The following B4GALT6 variants were observed in gnomAD, a reference collection of about 807,000 sequenced individuals.
B4GALT6 encodes the protein UDP-Gal:beta-GlcNAc beta-1,4-galactosyltransferase 6.
B4GALT6 carries 14 observed loss-of-function variants against 46.3 expected under a neutral mutation model. That is an observed-to-expected ratio of 0.30 (90% CI 0.20 to 0.47). B4GALT6 has a LOEUF of 0.47. B4GALT6 is among the 20% of genes least tolerant of loss of function. The probability of loss-of-function intolerance (pLI) is 0.99; values close to 1 mark genes in which losing one functional copy is unlikely to be tolerated. For missense variants in B4GALT6, 386 were observed against 480.1 expected, an observed-to-expected ratio of 0.80 and a Z score of 1.83; for synonymous variants, 168 against 162.0, an observed-to-expected ratio of 1.04 and a Z score of -0.28.
the B4GALT6 span, among the ~76,000 whole-genome samples, chr18:31,699,504 C>G: frequency 6.6e-6 from 1 of 150,460 alleles, no homozygotes; most frequent in African/African-American, 2.5e-5. Context: ...AAACTCCTGA[C>G]CTCAGGTGAT....
the B4GALT6 span, among the ~76,000 whole-genome samples, chr18:31,700,889 A>G: frequency 2.6e-5 from 4 of 152,166 alleles, no homozygotes; most frequent in Non-Finnish European, 5.9e-5. Flanking sequence ...GCAGCAATCA[A>G]TCCACATTGA....
At chr18:31,637,306 TTC>T (rs1205609455) in intron 5 of B4GALT6, among the ~76,000 whole-genome samples, 2 of 152,194 alleles carry the variant, frequency 1.3e-5, no homozygotes. Context: ...CTCCACCTGG[TTC>T]TCTCTTCTAA....
chr18:31,702,648 C>T, the B4GALT6 span, among the ~76,000 whole-genome samples: 3 of 152,188 alleles, frequency 2.0e-5, no homozygotes, highest in East Asian at 5.8e-4. Flanking sequence ...GGATGAGGCA[C>T]TGTAACCACA....
chr18:31,668,564 CTA>C (rs1300388892), intron 1 of B4GALT6, among the ~76,000 whole-genome samples: 5 of 152,048 alleles, frequency 3.3e-5, no homozygotes, highest in Admixed American at 6.5e-5. Flanking sequence ...TTTTTGCCAT[CTA>C]TGTTTTTGTT....
At chr18:31,688,282 C>CAT (rs2030000225), upstream of B4GALT6, among the ~76,000 whole-genome samples, 1 of 97,280 alleles carries the variant, frequency 1.0e-5, no homozygotes, top group African/African-American at 7.0e-5. Context: ...TACACACACA[C>CAT]ATATGTAATT....
chr18:31,631,031 T>C lies in B4GALT6; in HGVS notation c.704A>G (p.Asn235Ser), dbSNP rs781475875. ...TCCACATCCGTAATAGTTCCGGTCA[T>C]TTTCAGGTAGATGATCCACATCGTG... ...IFHDVDHLPE[N>S]DRNYYGCGEM... The change falls in exon 6 of 9, where the codon AAT (asparagine) becomes AGT (serine). Residue 235 changes from asparagine to serine, a missense_variant. Asn to Ser is a conservative substitution (Grantham distance 46). This residue lies in a region of B4GALT6 where 323 missense variants were observed against 438.9 expected (regional missense o/e 0.74). Coordinates refer to ENST00000306851, the MANE Select transcript of B4GALT6 (RefSeq NM_004775.5). 6.2e-7 allele frequency: 1 copy of C among 1,614,174 alleles called. No homozygotes were observed. The highest frequency in any genetic ancestry group is 8.5e-7 in the Non-Finnish European group (1 of 1,180,040).
chr18:31,694,339 T>TA, the B4GALT6 span, among the ~76,000 whole-genome samples: 1 of 152,158 alleles, frequency 6.6e-6, no homozygotes, highest in Non-Finnish European at 1.5e-5. Context: ...TCAGTACATA[T>TA]AAAAAAGACT....
intron 1 of B4GALT6, among the ~76,000 whole-genome samples, chr18:31,672,202 T>C (rs188160031): frequency 6.6e-6 from 1 of 152,210 alleles, no homozygotes; most frequent in Non-Finnish European, 1.5e-5. Context: ...GATATCTCTG[T>C]TCCTAGCTGC....
the B4GALT6 span, among the ~76,000 whole-genome samples, chr18:31,693,783 T>A: frequency 6.6e-6 from 1 of 151,822 alleles, no homozygotes; most frequent in African/African-American, 2.4e-5. Context: ...GCCTGGGCAA[T>A]ATAGTGGGAC....
intron 1 of B4GALT6, among the ~76,000 whole-genome samples, chr18:31,679,296 A>G (rs2074451765): frequency 6.6e-6 from 1 of 152,196 alleles, no homozygotes; most frequent in Non-Finnish European, 1.5e-5. Context: ...TCCCTTCAAT[A>G]TTGCCTAATT....
chr18:31,641,483 T>A (rs1478100521), intron 4 of B4GALT6, among the ~76,000 whole-genome samples: 1 of 152,242 alleles, frequency 6.6e-6, no homozygotes, highest in African/African-American at 2.4e-5. Context: ...ATCTGGCACA[T>A]CAGTTCTTGT....
chr18:31,684,713 A>C, upstream of B4GALT6: 1 of 1,152,364 alleles, frequency 8.7e-7, no homozygotes, highest in South Asian at 2.4e-5. Context: ...GGCAGGACGG[A>C]AGAAAGCCGG....
chr18:31,661,122 C>T (rs918349596), intron 2 of B4GALT6, among the ~76,000 whole-genome samples: 8 of 152,150 alleles, frequency 5.3e-5, no homozygotes, highest in East Asian at 1.9e-4. Context: ...ATCTACAAAA[C>T]GAACAATCAC....
the B4GALT6 span, among the ~76,000 whole-genome samples, chr18:31,707,483 T>C: frequency 2.6e-5 from 4 of 152,176 alleles, no homozygotes; most frequent in Admixed American, 2.6e-4. Flanking sequence ...GGGCAGTGAA[T>C]TTTGTTTTCT....
Position 31,646,629 on chromosome 18 carries a change from A to C in B4GALT6, c.347-1150T>G, listed in dbSNP as rs569485723. Among the ~76,000 whole-genome samples the C allele has an allele frequency of 1.7e-4, 26 of 152,336 alleles. No homozygotes were observed. In the South Asian group the frequency reaches 5.4e-3, roughly 32 times the overall value. On this transcript the variant is annotated intron_variant, in intron 3 of 8. Coordinates refer to ENST00000306851, the MANE Select transcript of B4GALT6 (RefSeq NM_004775.5). ...ATAAAATACAAACCAACAAATGTTG[A>C]GGTTTCCCATTTCGAGTCTTCTGAG...
rs199540062 is a variant in B4GALT6, at chr18:31,638,697, T to C, written c.535A>G (p.Ile179Val). Reference sequence around the variant, plus strand: ...AGCCGCTGCTTCTGGAGCATTGGAATCAGATGTAAGAAAAAAATTGGAAGA... The same window carrying C: ...AGCCGCTGCTTCTGGAGCATTGGAACCAGATGTAAGAAAAAAATTGGAAGA... ...EHLPIFFLHLIPMLQKQRLEF... is the reference protein window; with the variant it reads ...EHLPIFFLHLVPMLQKQRLEF... Residue 179 changes from isoleucine to valine, a missense_variant, in exon 5 of 9, where the codon ATT becomes GTT. This residue lies in a region of B4GALT6 where 323 missense variants were observed against 438.9 expected (regional missense o/e 0.74). Coordinates refer to ENST00000306851, the MANE Select transcript of B4GALT6 (RefSeq NM_004775.5). 51 of 1,613,970 alleles carry C rather than the reference T, an allele frequency of 3.2e-5. No homozygotes were observed. Among genetic ancestry groups the C allele is most frequent in the South Asian group, 2.9e-4 (26 of 91,080 alleles).
At chr18:31,649,259 C>T (rs1188354876) in intron 3 of B4GALT6, among the ~76,000 whole-genome samples, 2 of 152,222 alleles carry the variant, frequency 1.3e-5, no homozygotes, top group Admixed American at 1.3e-4. Context: ...GCTTAACAAA[C>T]GATTTATTAC....
the B4GALT6 span, among the ~76,000 whole-genome samples, chr18:31,703,018 T>A: frequency 1.3e-5 from 2 of 152,160 alleles, no homozygotes; most frequent in African/African-American, 2.4e-5. Context: ...TGGAAGGAAA[T>A]CACACTTTCT....
At chr18:31,669,862 CA>C (rs1216359837) in intron 1 of B4GALT6, among the ~76,000 whole-genome samples, 3 of 152,058 alleles carry the variant, frequency 2.0e-5, no homozygotes, top group African/African-American at 7.2e-5. Context: ...ATTTGTGCTA[CA>C]CCAAACTGTG....
Sources: gnomAD v4.1 joint callset for allele counts (sites outside exome capture counted in the v4.1 genomes callset) on GRCh38, gnomAD v4.1.1 for gene constraint, gnomAD v4.1.1 regional missense constraint, MANE v1.5 for transcripts, NCBI Gene and HGNC (gene_info 2026-07-23, HGNC 2026-07-21) for gene names.